The following PDSS2 variants were observed in gnomAD, a reference collection of about 807,000 sequenced individuals.
PDSS2 encodes all trans-polyprenyl-diphosphate synthase PDSS2.
PDSS2 carries 31 observed loss-of-function variants against 44.5 expected under a neutral mutation model. The ratio of observed to expected loss-of-function variants is 0.70; its 90% CI spans 0.52 to 0.94. PDSS2 has a LOEUF of 0.94. PDSS2 is among the 40% of genes least tolerant of loss of function. PDSS2 has a pLI of 0.00. For synonymous variants in PDSS2, 157 were observed against 180.3 expected, an observed-to-expected ratio of 0.87 and a Z score of 1.03; for missense variants, 452 against 482.2, an observed-to-expected ratio of 0.94 and a Z score of 0.59.
intron 3 of PDSS2, among the ~76,000 whole-genome samples, chr6:107,249,513 G>C (rs942173789): frequency 6.6e-6 from 1 of 152,112 alleles, no homozygotes; most frequent in Non-Finnish European, 1.5e-5. Flanking sequence ...GCCATCTGGA[G>C]AGCAATTAAA....
intron 1 of PDSS2, among the ~76,000 whole-genome samples, chr6:107,405,087 G>C (rs1311723572): frequency 1.3e-5 from 2 of 151,846 alleles, no homozygotes; most frequent in Non-Finnish European, 2.9e-5. Flanking sequence ...GCAAACTTCT[G>C]AGCAGAAACC....
chr6:107,339,275 C>T (rs768040467), intron 1 of PDSS2, among the ~76,000 whole-genome samples: 15 of 152,172 alleles, frequency 9.9e-5, no homozygotes, highest in Non-Finnish European at 2.1e-4. Flanking sequence ...TAATACTCCA[C>T]AATATATACA....
chr6:107,164,594 C>CCAA (rs1562345008), intron 7 of PDSS2, among the ~76,000 whole-genome samples: 2 of 152,140 alleles, frequency 1.3e-5, no homozygotes, highest in African/African-American at 4.8e-5. Flanking sequence ...GGTTCCAAGT[C>CCAA]TTTGCTATTG....
intron 3 of PDSS2, among the ~76,000 whole-genome samples, chr6:107,256,114 C>T (rs1157919816): frequency 6.6e-6 from 1 of 152,136 alleles, no homozygotes; most frequent in Non-Finnish European, 1.5e-5. Flanking sequence ...TTTCAGCCTC[C>T]CGAGTAGCTG....
intron 7 of PDSS2, among the ~76,000 whole-genome samples, chr6:107,171,218 G>C (rs1412748846): frequency 6.6e-6 from 1 of 152,126 alleles, no homozygotes; most frequent in African/African-American, 2.4e-5. Flanking sequence ...CTGAAGTGCA[G>C]TAGCAAGATC....
At chr6:107,165,084 A>G (rs1771293652) in intron 7 of PDSS2, among the ~76,000 whole-genome samples, 1 of 152,030 alleles carries the variant, frequency 6.6e-6, no homozygotes, top group Non-Finnish European at 1.5e-5. Context: ...AGATGAGTAG[A>G]TTGGAAAAAT....
chr6:107,354,668 A>G (rs1022343639), intron 1 of PDSS2, among the ~76,000 whole-genome samples: 2 of 152,222 alleles, frequency 1.3e-5, no homozygotes, highest in African/African-American at 4.8e-5. Context: ...GGGGCTGTAC[A>G]GTAGGCTGGG....
chr6:107,384,196 A>C (rs2114483348), intron 1 of PDSS2, among the ~76,000 whole-genome samples: 1 of 152,354 alleles, frequency 6.6e-6, no homozygotes, highest in African/African-American at 2.4e-5. Flanking sequence ...TGAAACATCC[A>C]GAGTAGGCAA....
At chr6:107,417,640 TC>T (rs1286074821) in intron 1 of PDSS2, among the ~76,000 whole-genome samples, 3 of 152,070 alleles carry the variant, frequency 2.0e-5, no homozygotes, top group Admixed American at 2.0e-4. Flanking sequence ...CAGCCTGTAG[TC>T]CCAGCTACTC....
chr6:107,385,882 T>C (rs1300848632), intron 1 of PDSS2, among the ~76,000 whole-genome samples: 2 of 152,146 alleles, frequency 1.3e-5, no homozygotes, highest in African/African-American at 2.4e-5. Flanking sequence ...CAGGCTTGCT[T>C]ACTGGAAGAA....
intron 1 of PDSS2, among the ~76,000 whole-genome samples, chr6:107,451,794 G>A (rs1022786963): frequency 3.9e-5 from 6 of 152,154 alleles, no homozygotes; most frequent in Middle Eastern, 3.4e-3. Context: ...CCAATCTAGC[G>A]CTGGCCCTCT....
intron 1 of PDSS2, among the ~76,000 whole-genome samples, chr6:107,369,729 G>C (rs958493896): frequency 2.0e-5 from 3 of 152,060 alleles, no homozygotes; most frequent in African/African-American, 7.2e-5. Flanking sequence ...TCTCAGGCCA[G>C]GTGCAGTGGC....
chr6:107,241,625 C>T (rs555489029), intron 4 of PDSS2, among the ~76,000 whole-genome samples: 1 of 152,242 alleles, frequency 6.6e-6, no homozygotes, highest in Admixed American at 6.5e-5. Flanking sequence ...GGATTACAGG[C>T]GTAAGCCACC....
chr6:107,169,611 A>G (rs531079658), intron 7 of PDSS2, among the ~76,000 whole-genome samples: 1 of 152,050 alleles, frequency 6.6e-6, no homozygotes, highest in Admixed American at 6.6e-5. Flanking sequence ...TTGTGGTTTT[A>G]TCTACATTTG....
At chr6:107,317,506 A>G (rs1035894051) in intron 2 of PDSS2, among the ~76,000 whole-genome samples, 1 of 152,140 alleles carries the variant, frequency 6.6e-6, no homozygotes, top group Non-Finnish European at 1.5e-5. Flanking sequence ...TTTATCTCAA[A>G]ATGTAAAGCT....
intron 4 of PDSS2, among the ~76,000 whole-genome samples, chr6:107,218,168 C>A (rs1408346769): frequency 6.6e-6 from 1 of 152,186 alleles, no homozygotes; most frequent in Non-Finnish European, 1.5e-5. Context: ...ATTCTTTCCT[C>A]TCAAGTAAAC....
chr6:107,359,418 T>C (rs1012375039), intron 1 of PDSS2, among the ~76,000 whole-genome samples: 6 of 150,836 alleles, frequency 4.0e-5, no homozygotes, highest in Non-Finnish European at 8.9e-5. Context: ...AGGCCAGGAG[T>C]TCGAGACCAG....
At chr6:107,157,731 C>T (rs1188324839) in intron 7 of PDSS2, among the ~76,000 whole-genome samples, 6 of 151,252 alleles carry the variant, frequency 4.0e-5, no homozygotes, top group East Asian at 3.9e-4. Flanking sequence ...AGTGCAATGG[C>T]GCGATCTTGG....
chr6:107,260,682 G>C (rs1318448613), intron 3 of PDSS2, among the ~76,000 whole-genome samples: 1 of 44,104 alleles, frequency 2.3e-5, no homozygotes, highest in South Asian at 6.9e-4. Flanking sequence ...TTTTTTTTTT[G>C]AGACGGAGTC....
Sources: gnomAD v4.1 joint callset for allele counts (sites outside exome capture counted in the v4.1 genomes callset) on GRCh38, gnomAD v4.1.1 for gene constraint, MANE v1.5 for transcripts, NCBI Gene and HGNC (gene_info 2026-07-23, HGNC 2026-07-21) for gene names.